PCTP: variants seen among roughly 807,000 people sequenced by gnomAD.
PCTP encodes the protein START domain-containing protein 2.
A neutral mutation model predicts 31.0 loss-of-function variants in PCTP; 27 were observed. The observed-to-expected ratio is 0.87, with a 90% confidence interval of 0.64 to 1.20. The LOEUF (loss-of-function observed/expected upper bound fraction) is 1.20. PCTP is among the 50% of genes most tolerant of loss of function. The probability of loss-of-function intolerance (pLI) is 0.00; values close to 1 mark genes in which losing one functional copy is unlikely to be tolerated. For synonymous variants in PCTP, 108 were observed against 101.2 expected (o/e 1.07, Z -0.40); for missense variants, 287 against 268.2 (o/e 1.07, Z -0.49).
At chr17:55,804,102 A>G (rs1912492856) in intron 3 of PCTP, among the ~76,000 whole-genome samples, 2 of 152,348 alleles carry the variant, frequency 1.3e-5, no homozygotes, top group African/African-American at 4.8e-5. Flanking sequence ...CAACAAACAT[A>G]TGAAAAAAAG....
At chr17:55,843,358 C>T (rs1013057632), downstream of PCTP, among the ~76,000 whole-genome samples, 1 of 152,088 alleles carries the variant, frequency 6.6e-6, no homozygotes, top group Non-Finnish European at 1.5e-5. Context: ...ATTCAAATGG[C>T]TTATGAAGCA....
At chr17:55,839,467 T>C (rs985142726) in intron 5 of PCTP, among the ~76,000 whole-genome samples, 7 of 152,194 alleles carry the variant, frequency 4.6e-5, no homozygotes, top group African/African-American at 1.7e-4. Flanking sequence ...AATTATGATG[T>C]CTGGTCCCAA....
downstream of PCTP, among the ~76,000 whole-genome samples, chr17:55,826,495 T>C (rs1187636337): frequency 2.0e-5 from 3 of 150,592 alleles, no homozygotes; most frequent in Non-Finnish European, 4.4e-5. Context: ...GGTGATCTGA[T>C]CTAAGCCTGG....
chr17:55,775,570 A>G, intron 5 of PCTP: 8 of 1,160,592 alleles, frequency 6.9e-6, no homozygotes, highest in Non-Finnish European at 8.6e-6. Context: ...TCTACTGCAT[A>G]GAGGGGGAGT....
chr17:55,832,941 GA>G (rs1292658114), intron 5 of PCTP, among the ~76,000 whole-genome samples: 1 of 152,144 alleles, frequency 6.6e-6, no homozygotes, highest in African/African-American at 2.4e-5. Flanking sequence ...AGAGTTTAAA[GA>G]GACCATCCTT....
At chr17:55,823,044 A>G (rs779857130) in exon 4 of PCTP, 63 of 328,600 alleles carry the variant, frequency 1.9e-4, no homozygotes, top group African/African-American at 8.6e-4. Flanking sequence ...ACTATCATCT[A>G]TGTACTGGAA....
At position 55,774,319 on chromosome 17, in the gene PCTP, C is replaced by T. The variant is rs1447706467; in HGVS notation, c.511+424C>T. The stretch of plus-strand genomic sequence containing the variant: ...CTCAAGACCTGCCCAGCTTGAGTTT[C>T]AGCCCCCAGGGAGGAAAGCTGCAGA... On this transcript the variant is annotated intron_variant, in intron 4 of 5. Coordinates refer to ENST00000268896, the MANE Select transcript of PCTP (RefSeq NM_021213.4). Among the ~76,000 whole-genome samples, 4 of 152,164 alleles carry T rather than the reference C, an allele frequency of 2.6e-5. No individual in the cohort carries two copies. The East Asian group carries it at 7.7e-4, about 29-fold the overall frequency.
chr17:55,851,206 AGTTT>A, the PCTP span, among the ~76,000 whole-genome samples: 1 of 152,204 alleles, frequency 6.6e-6, no homozygotes, highest in Admixed American at 6.5e-5. Context: ...GAGTGATGAA[AGTTT>A]GTTTGACATA....
chr17:55,844,919 C>T (rs949934886), downstream of PCTP, among the ~76,000 whole-genome samples: 2 of 151,538 alleles, frequency 1.3e-5, no homozygotes, highest in Non-Finnish European at 2.9e-5. Context: ...GAAACCCTGT[C>T]TCTACTAGAT....
At chr17:55,851,117 G>A in the PCTP span, among the ~76,000 whole-genome samples, 1 of 152,156 alleles carries the variant, frequency 6.6e-6, no homozygotes, top group Non-Finnish European at 1.5e-5. Flanking sequence ...ATGGACTAGG[G>A]CAAGGGGAAG....
At chr17:55,758,707 G>A (rs1910178602) in intron 1 of PCTP, among the ~76,000 whole-genome samples, 1 of 152,204 alleles carries the variant, frequency 6.6e-6, no homozygotes, top group African/African-American at 2.4e-5. Flanking sequence ...ACCAAGGCCA[G>A]CTCCTTCTTT....
chr17:55,789,888 G>C (rs12946877), intron 3 of PCTP, among the ~76,000 whole-genome samples: 21,561 of 152,070 alleles, frequency 0.14, 1,584 homozygotes, highest in Middle Eastern at 0.19. Context: ...GATGAACATT[G>C]ATGCAAAAAT....
At chr17:55,793,931 C>T (rs1209481110) in intron 3 of PCTP, among the ~76,000 whole-genome samples, 1 of 152,078 alleles carries the variant, frequency 6.6e-6, no homozygotes, top group Admixed American at 6.6e-5. Flanking sequence ...GAATGCCCGC[C>T]TTCACAGTAG....
intron 1 of PCTP, 56 bp downstream of exon 1, chr17:55,751,300 C>T (rs972504263): frequency 6.6e-6 from 10 of 1,517,708 alleles, no homozygotes; most frequent in African/African-American, 5.6e-5. Flanking sequence ...GGGTCGACCT[C>T]CCCGCAGGGA....
At chr17:55,825,202 C>T (rs566458342), downstream of PCTP, among the ~76,000 whole-genome samples, 7 of 152,230 alleles carry the variant, frequency 4.6e-5, no homozygotes, top group South Asian at 4.1e-4. Flanking sequence ...TCTTTTAATC[C>T]GAGCTCTGAG....
At chr17:55,789,234 G>T (rs1194913740) in intron 3 of PCTP, among the ~76,000 whole-genome samples, 1 of 152,028 alleles carries the variant, frequency 6.6e-6, no homozygotes, top group East Asian at 1.9e-4. Flanking sequence ...TAAGTGGTGA[G>T]TACCCATTTA....
At chr17:55,795,586 G>A (rs1912161106) in intron 3 of PCTP, among the ~76,000 whole-genome samples, 1 of 152,056 alleles carries the variant, frequency 6.6e-6, no homozygotes, top group South Asian at 2.1e-4. Flanking sequence ...GTGACAGATT[G>A]AAATGTTTGC....
intron 3 of PCTP, among the ~76,000 whole-genome samples, chr17:55,813,203 T>C (rs1423792822): frequency 1.3e-5 from 2 of 152,244 alleles, no homozygotes; most frequent in East Asian, 1.9e-4. Context: ...TACACTGTTT[T>C]CCTTTCCTCT....
intron 3 of PCTP, among the ~76,000 whole-genome samples, chr17:55,801,915 G>A (rs9908968): frequency 0.21 from 31,734 of 151,976 alleles, 3,854 homozygotes; most frequent in African/African-American, 0.34. Context: ...AAAAAAATCA[G>A]TGAATCCAGG....
Sources: gnomAD v4.1 joint callset for allele counts (sites outside exome capture counted in the v4.1 genomes callset) on GRCh38, gnomAD v4.1.1 for gene constraint, MANE v1.5 for transcripts, NCBI Gene and HGNC (gene_info 2026-07-23, HGNC 2026-07-21) for gene names.